CDH18: variants seen among roughly 807,000 people sequenced by gnomAD.
The protein encoded by CDH18 is cadherin-18.
A neutral mutation model predicts 67.9 loss-of-function variants in CDH18; 31 were observed. That is an observed-to-expected ratio of 0.46 (90% CI 0.34 to 0.62). The LOEUF (loss-of-function observed/expected upper bound fraction) is 0.62, where lower values mean the gene tolerates loss of function less well. Among genes scored for constraint, CDH18 ranks in the 20% least tolerant of loss-of-function variants. The pLI is 0.01. For synonymous variants in CDH18, 362 were observed against 347.2 expected (o/e 1.04, Z -0.48); for missense variants, 890 against 975.5 (o/e 0.91, Z 1.17).
At chr5:20,084,026 G>GA (rs941293940) in intron 2 of CDH18, among the ~76,000 whole-genome samples, 39 of 151,894 alleles carry the variant, frequency 2.6e-4, no homozygotes, top group African/African-American at 8.9e-4. Context: ...ATGCCTTCCA[G>GA]ACGGTTCCCC....
At chr5:20,085,124 G>A (rs1195104331) in intron 2 of CDH18, among the ~76,000 whole-genome samples, 1 of 152,112 alleles carries the variant, frequency 6.6e-6, no homozygotes, top group Admixed American at 6.6e-5. Context: ...ACTGAATGCT[G>A]TTAACAGCAC....
chr5:20,213,426 G>A (rs555988296), intron 2 of CDH18, among the ~76,000 whole-genome samples: 6 of 151,994 alleles, frequency 3.9e-5, no homozygotes, highest in Admixed American at 6.6e-5. Context: ...CCTTTTAGTC[G>A]AATTTTTGGA....
At chr5:19,815,639 G>A (rs983516685) in intron 3 of CDH18, among the ~76,000 whole-genome samples, 3 of 151,796 alleles carry the variant, frequency 2.0e-5, no homozygotes, top group Non-Finnish European at 4.4e-5. Context: ...GATGAGAGAC[G>A]TATTTTATGC....
At chr5:20,434,089 T>C (rs1406306671) in intron 1 of CDH18, among the ~76,000 whole-genome samples, 1 of 152,070 alleles carries the variant, frequency 6.6e-6, no homozygotes, top group Non-Finnish European at 1.5e-5. Context: ...AATAGTGCCT[T>C]AGGCCTGCAA....
At chr5:20,290,555 A>G (rs1351955270) in intron 1 of CDH18, among the ~76,000 whole-genome samples, 3 of 152,184 alleles carry the variant, frequency 2.0e-5, no homozygotes, top group African/African-American at 7.2e-5. Context: ...ACAGGTTCCC[A>G]AATTAAAATA....
At chr5:19,716,190 T>G (rs1484151073) in intron 5 of CDH18, among the ~76,000 whole-genome samples, 1 of 152,056 alleles carries the variant, frequency 6.6e-6, no homozygotes, top group African/African-American at 2.4e-5. Context: ...ACTAAGAGCA[T>G]TGCCCTCATT....
intron 1 of CDH18, among the ~76,000 whole-genome samples, chr5:20,525,992 G>A (rs113006707): frequency 1.5e-4 from 23 of 151,418 alleles, no homozygotes; most frequent in Non-Finnish European, 3.2e-4. Context: ...AACAATATTG[G>A]CCAGTTAAGA....
chr5:19,831,808 G>A (rs1781063372), intron 3 of CDH18, among the ~76,000 whole-genome samples: 1 of 152,048 alleles, frequency 6.6e-6, no homozygotes, highest in Non-Finnish European at 1.5e-5. Context: ...ACACCCATAT[G>A]TTCATTGCAG....
chr5:20,349,182 C>T (rs1434140445), intron 1 of CDH18, among the ~76,000 whole-genome samples: 1 of 152,102 alleles, frequency 6.6e-6, no homozygotes, highest in Non-Finnish European at 1.5e-5. Context: ...GTAAAACTAA[C>T]TTCTAAAGGC....
chr5:19,604,430 C>A (rs1419295078), intron 6 of CDH18, among the ~76,000 whole-genome samples: 4 of 151,674 alleles, frequency 2.6e-5, no homozygotes, highest in African/African-American at 9.7e-5. Context: ...ACAGAGTTTG[C>A]CTGTCTTTCC....
intron 5 of CDH18, among the ~76,000 whole-genome samples, chr5:19,629,356 G>A (rs762000708): frequency 1.3e-4 from 20 of 152,118 alleles, no homozygotes; most frequent in Non-Finnish European, 2.5e-4. Flanking sequence ...CTGATGGAAA[G>A]TTGAACACCT....
At position 19,734,631 on chromosome 5, in the gene CDH18, C is replaced by A. The variant is rs527959867; in HGVS notation, c.523+12311G>T. Among the ~76,000 whole-genome samples, 3 of 152,144 alleles carry A rather than the reference C, an allele frequency of 2.0e-5. No homozygotes were observed. In the South Asian group the frequency reaches 6.2e-4, roughly 32 times the overall value. On this transcript the variant is annotated intron_variant, in intron 4 of 12. Transcript: ENST00000382275. Reference sequence around the variant, plus strand: ...AAGTTGTCCAGGTGTCTTGTATTTACAAGGACTTTCTTGGACAAGATAATG... The same window carrying A: ...AAGTTGTCCAGGTGTCTTGTATTTAAAAGGACTTTCTTGGACAAGATAATG...
At chr5:19,501,624 C>T (rs1375733549) in intron 11 of CDH18, among the ~76,000 whole-genome samples, 1 of 151,694 alleles carries the variant, frequency 6.6e-6, no homozygotes, top group Non-Finnish European at 1.5e-5. Flanking sequence ...GAATTGAACA[C>T]ATCTTCAAAT....
intron 2 of CDH18, among the ~76,000 whole-genome samples, chr5:19,884,279 G>T (rs948913018): frequency 3.3e-5 from 5 of 152,082 alleles, no homozygotes; most frequent in African/African-American, 9.7e-5. Flanking sequence ...CTAAAACTTT[G>T]ATGATTTTGG....
chr5:19,599,264 G>C (rs1019509133), intron 6 of CDH18, among the ~76,000 whole-genome samples: 3 of 152,018 alleles, frequency 2.0e-5, no homozygotes, highest in Non-Finnish European at 4.4e-5. Context: ...CATGGATCAT[G>C]AATCTAGTTG....
chr5:20,530,036 A>G lies in CDH18; in HGVS notation c.-580+45426T>C, dbSNP rs192092117. ...TCTTAAGCAGATAAGCAAATTCAGC[A>G]AAGTCTCAGGAGACAAAATCAATGT... On this transcript the variant is annotated intron_variant, in intron 1 of 14. Coordinates refer to the CDH18 transcript ENST00000507958. Among the ~76,000 whole-genome samples the G allele has an allele frequency of 2.0e-5, 3 of 152,222 alleles. No homozygotes were observed. In the East Asian group the frequency reaches 5.8e-4, roughly 29 times the overall value.
intron 2 of CDH18, among the ~76,000 whole-genome samples, chr5:20,002,821 T>C (rs1320159018): frequency 6.6e-6 from 1 of 152,136 alleles, no homozygotes; most frequent in South Asian, 2.1e-4. Flanking sequence ...AGGGGAGATA[T>C]AGATTTTTCT....
At chr5:20,136,719 G>A (rs931344607) in intron 2 of CDH18, among the ~76,000 whole-genome samples, 1 of 152,130 alleles carries the variant, frequency 6.6e-6, no homozygotes, top group Non-Finnish European at 1.5e-5. Flanking sequence ...TTTTGCAGTG[G>A]CTGGTACTGG....
At chr5:20,488,976 A>G (rs1474204576) in intron 1 of CDH18, among the ~76,000 whole-genome samples, 6 of 152,150 alleles carry the variant, frequency 3.9e-5, no homozygotes, top group African/African-American at 1.4e-4. Context: ...TGGGGAGAAT[A>G]CAGTTACCGA....
Sources: allele counts gnomAD v4.1 joint callset (sites outside exome capture counted in the v4.1 genomes callset), GRCh38; gene constraint gnomAD v4.1.1; transcripts MANE v1.5; gene names NCBI Gene and HGNC (gene_info 2026-07-23, HGNC 2026-07-21).